Variants in NUDT5 observed in about 807,000 individuals in gnomAD.
NUDT5 encodes the protein nudix hydrolase 5.
In NUDT5, 21 loss-of-function variants were observed where a neutral mutation model predicts 34.1. That is an observed-to-expected ratio of 0.62 (90% CI 0.44 to 0.89). NUDT5 has a LOEUF of 0.89. Among genes scored for constraint, NUDT5 ranks in the 40% least tolerant of loss-of-function variants. The probability of loss-of-function intolerance (pLI) is 0.00; values close to 1 mark genes in which losing one functional copy is unlikely to be tolerated. For missense variants in NUDT5, 249 were observed against 274.8 expected (o/e 0.91, Z 0.66); for synonymous variants, 85 against 97.6 (o/e 0.87, Z 0.76).
intron 1 of NUDT5, among the ~76,000 whole-genome samples, chr10:12,192,701 A>T (rs187799647): frequency 6.6e-6 from 1 of 152,270 alleles, no homozygotes; most frequent in African/African-American, 2.4e-5. Context: ...AATACAAAAA[A>T]TTAGCTGGGT....
chr10:12,181,171 AAAC>A lies in NUDT5; in HGVS notation c.132-2042_132-2040del, dbSNP rs1444225868. The stretch of plus-strand genomic sequence containing the variant: ...ACACTTTTTCTTGCCATTATTCCCT[AAAC>A]AATAGAGTACGACTGTTGACACAGC... On this transcript the variant is annotated intron_variant, in intron 3 of 9. Coordinates refer to ENST00000491614, the MANE Select transcript of NUDT5 (RefSeq NM_014142.4). The surrounding 1 kb of genome is among the most constrained non-coding windows in gnomAD (Gnocchi z 5.0). Among the ~76,000 whole-genome samples the A allele has an allele frequency of 6.6e-6, 1 of 152,210 alleles. No homozygotes were observed. Among genetic ancestry groups the A allele is most frequent in the Non-Finnish European group, 1.5e-5 (1 of 68,038 alleles).
chr10:12,170,730 C>T lies in NUDT5; in HGVS notation c.537G>A (p.Leu179=), dbSNP rs1834837036. The T allele has an allele frequency of 6.2e-7, 1 of 1,613,706 alleles. No individual in the cohort carries two copies. The highest frequency in any genetic ancestry group is 1.3e-5 in the African/African-American group (1 of 74,896). The change falls in exon 9 of 10, where the codon CTG becomes CTA. Residue 179 remains leucine, a synonymous_variant. Coordinates refer to ENST00000491614, the MANE Select transcript of NUDT5 (RefSeq NM_014142.4). The surrounding 1 kb of genome is among the most constrained non-coding windows in gnomAD (Gnocchi z 4.9). Reference sequence around the variant, plus strand: ...GAGAATGCTTACCATCAAGTCTCTGCAGCAGGTCATTCTTGGGTAAAGAAA... The same window carrying T: ...GAGAATGCTTACCATCAAGTCTCTGTAGCAGGTCATTCTTGGGTAAAGAAA... The part of the protein sequence containing the change: ...EVISLPKNDL[L]QRLDALVAEE...
chr10:12,172,676 C>T (rs1050655442), intron 7 of NUDT5, 89 bp downstream of exon 7: 1 of 816,256 alleles, frequency 1.2e-6, no homozygotes, highest in Admixed American at 2.0e-5. Flanking sequence ...CCATGAAAGA[C>T]TACATTCTTT....
intron 5 of NUDT5, among the ~76,000 whole-genome samples, chr10:12,174,060 G>C (rs891898725): frequency 1.3e-5 from 2 of 151,974 alleles, no homozygotes; most frequent in Non-Finnish European, 2.9e-5. Context: ...TAGAGATGGG[G>C]TTTCACCATC....
chr10:12,172,915 T>C (rs1008019104), intron 6 of NUDT5, 49 bp from the exon 7 acceptor site: 7 of 1,350,708 alleles, frequency 5.2e-6, no homozygotes, highest in Non-Finnish European at 7.4e-6. Context: ...TGGCATTTGT[T>C]TCACTATGGT....
chr10:12,187,312 C>T lies in NUDT5; in HGVS notation c.-41-980G>A, dbSNP rs1326309829. 2.0e-5 allele frequency among the ~76,000 whole-genome samples: 3 copies of T among 152,218 alleles called. No individual in the cohort carries two copies. The highest frequency in any genetic ancestry group is 2.1e-4 in the South Asian group (1 of 4,834). ...TCGGTGTCCCAAAGTGCTGGGATTA[C>T]AGGCATGAGCCACTGGACCCACCTC... On this transcript the variant is annotated intron_variant, in intron 1 of 9. Transcript: ENST00000491614. The surrounding 1 kb of genome is among the most constrained non-coding windows in gnomAD (Gnocchi z 5.4).
At chr10:12,190,303 TG>T (rs1180024430) in intron 1 of NUDT5, among the ~76,000 whole-genome samples, 1 of 152,238 alleles carries the variant, frequency 6.6e-6, no homozygotes, top group Non-Finnish European at 1.5e-5. Flanking sequence ...TAGGATGTGT[TG>T]GATGTGTAAT....
intron 1 of NUDT5, among the ~76,000 whole-genome samples, chr10:12,194,062 G>T (rs1200206201): frequency 3.9e-5 from 6 of 152,170 alleles, no homozygotes; most frequent in Admixed American, 3.3e-4. Flanking sequence ...ATTTTAGTAG[G>T]GACGGGGTTT....
At chr10:12,174,263 CTCT>C (rs1834912593) in intron 5 of NUDT5, among the ~76,000 whole-genome samples, 1 of 147,722 alleles carries the variant, frequency 6.8e-6, no homozygotes, top group Admixed American at 6.8e-5. Context: ...AGGATTGGAA[CTCT>C]TTTTTTTTTT....
Position 12,169,653 on chromosome 10 carries a change from G to T in NUDT5, c.550+1064C>A, listed in dbSNP as rs1834807488. On this transcript the variant is annotated intron_variant, in intron 9 of 9. Coordinates refer to ENST00000491614, the MANE Select transcript of NUDT5 (RefSeq NM_014142.4). The surrounding 1 kb of genome is among the most constrained non-coding windows in gnomAD (Gnocchi z 4.8). Reference sequence around the variant, plus strand: ...CTACCTTAGGTCTAGTTTTTGGAAAGGTGAAGCAGGAGTGGAAGCTCTCTA... The same window carrying T: ...CTACCTTAGGTCTAGTTTTTGGAAATGTGAAGCAGGAGTGGAAGCTCTCTA... 1 of 248,302 alleles carries T rather than the reference G, an allele frequency of 4.0e-6. No individual in the cohort carries two copies. Among genetic ancestry groups the T allele is most frequent in the African/African-American group, 2.3e-5 (1 of 44,438 alleles). 15.4% of individuals were successfully genotyped at this position (248,302 alleles called of 1,614,324 possible). A position where few individuals can be genotyped will look rare whatever the true frequency, so the allele number is the denominator to read the frequency against.
rs1834803557 is a variant in NUDT5 at position 12,169,487 on chromosome 10, C to G, written c.550+1230G>C. On this transcript the variant is annotated intron_variant, in intron 9 of 9. Coordinates refer to ENST00000491614, the MANE Select transcript of NUDT5 (RefSeq NM_014142.4). This position sits in a 1 kb window ranked among gnomAD's most constrained non-coding sequence, Gnocchi z 4.8. The stretch of plus-strand genomic sequence containing the variant: ...TAGCTAATTATGGTCCGCGGAGCCT[C>G]AAACCGAGTCGGGCCTGTGACTCCG... The G allele has an allele frequency of 3.6e-6, 2 of 563,334 alleles. No individual in the cohort carries two copies. Among genetic ancestry groups the G allele is most frequent in the Middle Eastern group, 4.1e-4 (1 of 2,422 alleles). 34.9% of individuals were successfully genotyped at this position (563,334 alleles called of 1,614,324 possible). A position where few individuals can be genotyped will look rare whatever the true frequency, so the allele number is the denominator to read the frequency against.
intron 3 of NUDT5, among the ~76,000 whole-genome samples, chr10:12,183,072 T>C (rs1377414946): frequency 6.6e-6 from 1 of 152,260 alleles, no homozygotes; most frequent in Admixed American, 6.5e-5. Flanking sequence ...AGTTGAGGGC[T>C]ATGTTTTGTG....
At chr10:12,174,408 A>G (rs911432029) in intron 5 of NUDT5, among the ~76,000 whole-genome samples, 6 of 151,956 alleles carry the variant, frequency 3.9e-5, no homozygotes, top group Non-Finnish European at 7.4e-5. Context: ...CTGGGACCAC[A>G]GGTACACACC....
At chr10:12,178,884 A>G (rs1834999127) in intron 4 of NUDT5, 199 bp downstream of exon 4, 4 of 603,050 alleles carry the variant, frequency 6.6e-6, no homozygotes, top group Non-Finnish European at 1.2e-5. Context: ...CTCAAAAACA[A>G]TGTTTTGGGC....
chr10:12,180,875 GT>G (rs1835031458), intron 3 of NUDT5, among the ~76,000 whole-genome samples: 1 of 152,138 alleles, frequency 6.6e-6, no homozygotes, highest in African/African-American at 2.4e-5. Context: ...CCTCCCTCTA[GT>G]TCACCAACAC....
chr10:12,176,912 A>G (rs971196522), intron 5 of NUDT5, among the ~76,000 whole-genome samples: 8 of 152,046 alleles, frequency 5.3e-5, no homozygotes, highest in African/African-American at 1.9e-4. Flanking sequence ...ACCTGAGGTC[A>G]GGAGTTTGAG....
intron 3 of NUDT5, chr10:12,184,509 G>A (rs1835094741): frequency 6.4e-7 from 1 of 1,551,438 alleles, no homozygotes; most frequent in Non-Finnish European, 8.7e-7. Flanking sequence ...AATTAGCAAT[G>A]TTGTTGTTTT....
At chr10:12,185,397 A>G (rs1226615734) in intron 2 of NUDT5, among the ~76,000 whole-genome samples, 1 of 152,248 alleles carries the variant, frequency 6.6e-6, no homozygotes, top group Non-Finnish European at 1.5e-5. Context: ...GTGATGACAC[A>G]GGAAGGCGGA....
At chr10:12,194,001 C>A (rs754901408) in intron 1 of NUDT5, among the ~76,000 whole-genome samples, 39 of 152,128 alleles carry the variant, frequency 2.6e-4, no homozygotes, top group Admixed American at 6.5e-4. Flanking sequence ...CTCAGCCTCC[C>A]GAGTAGCTGG....
Sources: allele counts gnomAD v4.1 joint callset (sites outside exome capture counted in the v4.1 genomes callset), GRCh38; gene constraint gnomAD v4.1.1; non-coding constraint Gnocchi (gnomAD v3.1); transcripts MANE v1.5; gene names NCBI Gene and HGNC (gene_info 2026-07-23, HGNC 2026-07-21).